Variants in VGLL4 observed in about 807,000 individuals in gnomAD.
The protein encoded by VGLL4 is vestigial like family member 4.
A neutral mutation model predicts 21.0 loss-of-function variants in VGLL4; 7 were observed. The ratio of observed to expected loss-of-function variants is 0.33; its 90% CI spans 0.19 to 0.63. The LOEUF (loss-of-function observed/expected upper bound fraction) is 0.63. VGLL4 is among the 20% of genes least tolerant of loss of function. The pLI, the probability that VGLL4 is intolerant of heterozygous loss-of-function variation, is 0.78. For missense variants in VGLL4, 394 were observed against 425.7 expected, an observed-to-expected ratio of 0.93 and a Z score of 0.66; for synonymous variants, 222 against 173.2, an observed-to-expected ratio of 1.28 and a Z score of -2.21.
intron 1 of VGLL4, among the ~76,000 whole-genome samples, chr3:11,629,177 A>G (rs2075422830): frequency 6.6e-6 from 1 of 152,260 alleles, no homozygotes; most frequent in South Asian, 2.1e-4. Flanking sequence ...GTTAAATTAT[A>G]TACACTCAGG....
At chr3:11,665,101 CTTTTTTTTT>C (rs59999510) in intron 2 of VGLL4, among the ~76,000 whole-genome samples, 38 of 96,972 alleles carry the variant, frequency 3.9e-4, no homozygotes, top group Middle Eastern at 0.012. Context: ...GAATATTTTT[CTTTTTTTTT>C]TTTTTTTTTT....
rs766500805 is a variant in VGLL4 at position 11,559,308 on chromosome 3, G to T, written c.619+24C>A. The T allele has an allele frequency of 4.6e-6, 7 of 1,518,678 alleles. No individual in the cohort carries two copies. The South Asian group carries it at 5.1e-5, about 11-fold the overall frequency. The allele number at this position is 1,518,678 out of a possible 1,614,324, so 94.1% of individuals were successfully genotyped here. Reference sequence around the variant, plus strand: ...TGCTGCCACTAGCACAGCTGTGACAGGTGAGGAGGCCCGGGACACTCACCG... The same window carrying T: ...TGCTGCCACTAGCACAGCTGTGACATGTGAGGAGGCCCGGGACACTCACCG... On this transcript the variant is annotated intron_variant, in intron 4 of 4. Transcript: ENST00000430365.
intron 2 of VGLL4, among the ~76,000 whole-genome samples, chr3:11,691,738 G>A (rs1467456351): frequency 6.6e-6 from 1 of 152,062 alleles, no homozygotes; most frequent in Non-Finnish European, 1.5e-5. Context: ...CCAAGCTGGT[G>A]GTAGTGCTGG....
intron 1 of VGLL4, among the ~76,000 whole-genome samples, chr3:11,711,516 G>A (rs1482976770): frequency 2.0e-5 from 3 of 151,162 alleles, no homozygotes; most frequent in Non-Finnish European, 2.9e-5. Flanking sequence ...GCAGTGAGCC[G>A]AGGTTGCGCC....
At chr3:11,710,421 G>A (rs1575553593) in intron 1 of VGLL4, 1 of 152,318 alleles carries the variant, frequency 6.6e-6, no homozygotes, top group Non-Finnish European at 1.5e-5. Flanking sequence ...GCAGTGGCTA[G>A]ATATGATATA....
intron 2 of VGLL4, among the ~76,000 whole-genome samples, chr3:11,688,036 G>C (rs1344791120): frequency 6.6e-6 from 1 of 151,894 alleles, no homozygotes; most frequent in Non-Finnish European, 1.5e-5. Context: ...TTAGACTTCT[G>C]TCATAAATAT....
chr3:11,614,501 G>A lies in VGLL4; in HGVS notation c.83-12479C>T, dbSNP rs575959055. On this transcript the variant is annotated intron_variant, in intron 1 of 4. Transcript: ENST00000430365. The stretch of plus-strand genomic sequence containing the variant: ...AAGGAAGGCTGTGTATAGGCCCCCC[G>A]ATTCTGATCGTGAAATCTCATTATC... 2.0e-5 allele frequency among the ~76,000 whole-genome samples: 3 copies of A among 152,336 alleles called. 1 individual carries two copies. The highest frequency in any genetic ancestry group is 7.2e-5 in the African/African-American group (3 of 41,580).
At chr3:11,590,308 T>A (rs1388251075) in intron 2 of VGLL4, among the ~76,000 whole-genome samples, 3 of 152,184 alleles carry the variant, frequency 2.0e-5, no homozygotes, top group Non-Finnish European at 2.9e-5. Flanking sequence ...AGTTCTCAGA[T>A]GTGCTTCTAC....
At chr3:11,573,363 GAAAGAAAGAAAGAA>G (rs2073927418) in intron 2 of VGLL4, among the ~76,000 whole-genome samples, 9 of 112,846 alleles carry the variant, frequency 8.0e-5, no homozygotes, top group African/African-American at 2.7e-4. Context: ...AAGAAAGAAA[GAAAGAAAGAAAGAA>G]AGAAAGAAAG....
chr3:11,640,255 G>GC (rs2075663645), intron 1 of VGLL4, among the ~76,000 whole-genome samples: 1 of 152,168 alleles, frequency 6.6e-6, no homozygotes. Context: ...ATTCAGGGAT[G>GC]CAGCGGTCAC....
At chr3:11,634,260 C>G (rs1012255367) in intron 1 of VGLL4, among the ~76,000 whole-genome samples, 2 of 152,182 alleles carry the variant, frequency 1.3e-5, no homozygotes, top group Non-Finnish European at 2.9e-5. Context: ...CTGCAGATGG[C>G]AGCACCACCC....
At chr3:11,702,932 A>G in intron 2 of VGLL4, 2 of 1,574,522 alleles carry the variant, frequency 1.3e-6, no homozygotes, top group Non-Finnish European at 8.6e-7. Flanking sequence ...AGGGATCATT[A>G]AAGCACTTAA....
chr3:11,678,683 A>G (rs2076328340), intron 2 of VGLL4, among the ~76,000 whole-genome samples: 1 of 152,148 alleles, frequency 6.6e-6, no homozygotes, highest in South Asian at 2.1e-4. Flanking sequence ...ACAGAGTGAG[A>G]CCCTTAATAT....
At chr3:11,683,522 T>C (rs1002805567) in intron 2 of VGLL4, among the ~76,000 whole-genome samples, 2 of 152,196 alleles carry the variant, frequency 1.3e-5, no homozygotes, top group Non-Finnish European at 2.9e-5. Flanking sequence ...GCAAAGATAC[T>C]GAATCAACTT....
intron 2 of VGLL4, among the ~76,000 whole-genome samples, chr3:11,680,728 G>A (rs1386362081): frequency 1.3e-5 from 2 of 152,220 alleles, no homozygotes; most frequent in African/African-American, 4.8e-5. Context: ...ATAATGGAAA[G>A]GACGCCTGCT....
chr3:11,586,988 C>T (rs907944219), intron 2 of VGLL4, among the ~76,000 whole-genome samples: 1 of 136,048 alleles, frequency 7.4e-6, no homozygotes. Flanking sequence ...CTGCTTCTCA[C>T]ACAGACAACA....
At chr3:11,585,565 TAAG>T (rs58384918) in intron 2 of VGLL4, among the ~76,000 whole-genome samples, 1,815 of 152,196 alleles carry the variant, frequency 0.012, 15 homozygotes, top group Non-Finnish European at 0.017. Context: ...TTTGTAGGTT[TAAG>T]GAGAAAAAGG....
chr3:11,634,413 T>C (rs1396034988), intron 1 of VGLL4, among the ~76,000 whole-genome samples: 5 of 152,124 alleles, frequency 3.3e-5, no homozygotes, highest in African/African-American at 1.2e-4. Flanking sequence ...CTTTCCTCTG[T>C]GGCCACCGTC....
intron 2 of VGLL4, among the ~76,000 whole-genome samples, chr3:11,597,195 AG>A (rs1337567152): frequency 6.6e-6 from 1 of 152,106 alleles, no homozygotes; most frequent in Non-Finnish European, 1.5e-5. Context: ...GGCAGGAGAA[AG>A]GGGAAGAGCT....
Sources: allele counts gnomAD v4.1 joint callset (sites outside exome capture counted in the v4.1 genomes callset), GRCh38; gene constraint gnomAD v4.1.1; transcripts MANE v1.5; gene names NCBI Gene and HGNC (gene_info 2026-07-23, HGNC 2026-07-21).